The following LHFPL3 variants were observed in gnomAD, a reference collection of about 807,000 sequenced individuals.
LHFPL3 encodes LHFPL tetraspan subfamily member 3.
Under a neutral mutation model 19.3 loss-of-function variants are expected in LHFPL3, and 5 were observed. The observed-to-expected ratio is 0.26, with a 90% CI of 0.14 to 0.54. LHFPL3 has a LOEUF of 0.54. Among genes scored for constraint, LHFPL3 ranks in the 20% least tolerant of loss-of-function variants. LHFPL3 has a pLI of 0.94. For synonymous variants in LHFPL3, 133 were observed against 126.2 expected (o/e 1.05, Z -0.36); for missense variants, 249 against 307.4 (o/e 0.81, Z 1.42).
chr7:104,849,816 G>T (rs943920128), intron 2 of LHFPL3, among the ~76,000 whole-genome samples: 1 of 152,228 alleles, frequency 6.6e-6, no homozygotes, highest in South Asian at 2.1e-4. Flanking sequence ...CCCTGGAATG[G>T]GGGCCTTATG....
chr7:104,707,781 C>T (rs140369228), intron 1 of LHFPL3, among the ~76,000 whole-genome samples: 57 of 152,272 alleles, frequency 3.7e-4, no homozygotes, highest in African/African-American at 1.2e-3. Context: ...AGAACCATTA[C>T]GATTCCCTAT....
chr7:104,478,897 G>C, intron 1 of LHFPL3, among the ~76,000 whole-genome samples: 1 of 152,164 alleles, frequency 6.6e-6, no homozygotes, highest in East Asian at 1.9e-4. Context: ...ACATTGCCCC[G>C]GAACACAATT....
At position 104,558,798 on chromosome 7, in the gene LHFPL3, T is replaced by C. The variant is rs1414602540; in HGVS notation, c.446-177877T>C. ...GTATTGCCTAGGTTTTCTTCTAGGG[T>C]TTTTATGGTTTTAGGTCTAACGTTT... On this transcript the variant is annotated intron_variant, in intron 1 of 2. Transcript: ENST00000424859. 4.1e-5 allele frequency among the ~76,000 whole-genome samples: 6 copies of C among 145,890 alleles called. No homozygotes were observed. The East Asian group carries it at 1.2e-3, about 28-fold the overall frequency.
intron 1 of LHFPL3, among the ~76,000 whole-genome samples, chr7:104,563,852 A>G (rs1790067479): frequency 6.6e-6 from 1 of 152,244 alleles, no homozygotes; most frequent in Non-Finnish European, 1.5e-5. Context: ...ATTCTGTTAT[A>G]GTAGCCTGAA....
chr7:104,464,298 T>G (rs1792733741), intron 1 of LHFPL3, among the ~76,000 whole-genome samples: 1 of 152,232 alleles, frequency 6.6e-6, no homozygotes, highest in Non-Finnish European at 1.5e-5. Context: ...CCTGGCTGTT[T>G]TCATGGCAGG....
At chr7:104,352,873 T>A (rs1790205628) in intron 1 of LHFPL3, among the ~76,000 whole-genome samples, 1 of 152,182 alleles carries the variant, frequency 6.6e-6, no homozygotes. Context: ...ACTCTTTCAG[T>A]AACAGTTGGG....
intron 1 of LHFPL3, among the ~76,000 whole-genome samples, chr7:104,427,176 C>T (rs1183751175): frequency 6.6e-6 from 1 of 152,002 alleles, no homozygotes; most frequent in Non-Finnish European, 1.5e-5. Context: ...GACGAGGTGC[C>T]AGAAGGGAAG....
intron 2 of LHFPL3, among the ~76,000 whole-genome samples, chr7:104,748,894 C>T (rs368720030): frequency 2.6e-5 from 4 of 152,186 alleles, no homozygotes; most frequent in Non-Finnish European, 4.4e-5. Context: ...CTACATCTGG[C>T]GCCCAACGTG....
intron 2 of LHFPL3, among the ~76,000 whole-genome samples, chr7:104,877,898 A>G (rs972681967): frequency 6.6e-6 from 1 of 151,728 alleles, no homozygotes; most frequent in Non-Finnish European, 1.5e-5. Flanking sequence ...CAGTGGTGCA[A>G]TCTCAGCTCA....
intron 1 of LHFPL3, among the ~76,000 whole-genome samples, chr7:104,617,608 A>C (rs1791370498): frequency 1.3e-5 from 2 of 152,346 alleles, no homozygotes; most frequent in African/African-American, 4.8e-5. Flanking sequence ...TAATGTTCAG[A>C]TATTTCCAGA....
intron 1 of LHFPL3, among the ~76,000 whole-genome samples, chr7:104,718,677 A>G (rs1175035948): frequency 6.6e-6 from 1 of 152,236 alleles, no homozygotes; most frequent in Non-Finnish European, 1.5e-5. Context: ...CATGAAAAGT[A>G]ATGGCACAAG....
chr7:104,696,007 G>T (rs967677179), intron 1 of LHFPL3, among the ~76,000 whole-genome samples: 1 of 152,174 alleles, frequency 6.6e-6, no homozygotes. Context: ...CTGGAGTGCA[G>T]TGGCACGATC....
At chr7:104,775,235 T>TACAAACAAAAATTA (rs1794619466) in intron 2 of LHFPL3, among the ~76,000 whole-genome samples, 2 of 152,000 alleles carry the variant, frequency 1.3e-5, no homozygotes, top group African/African-American at 4.8e-5. Context: ...CTACTAAAAA[T>TACAAACAAAAATTA]GCAAACAAAA....
chr7:104,410,428 C>T (rs552051336), intron 1 of LHFPL3, among the ~76,000 whole-genome samples: 3 of 152,244 alleles, frequency 2.0e-5, no homozygotes, highest in African/African-American at 4.8e-5. Context: ...CCGCTGCACC[C>T]GGCCTGTATG....
chr7:104,438,974 A>T (rs747755097), intron 1 of LHFPL3, among the ~76,000 whole-genome samples: 7 of 152,234 alleles, frequency 4.6e-5, no homozygotes, highest in Non-Finnish European at 1.0e-4. Flanking sequence ...TATGTCAATA[A>T]ATTCAACAAC....
chr7:104,373,973 C>T (rs1790659870), intron 1 of LHFPL3, among the ~76,000 whole-genome samples: 1 of 152,004 alleles, frequency 6.6e-6, no homozygotes, highest in African/African-American at 2.4e-5. Flanking sequence ...TTCCTTGTCT[C>T]ATAATGTTAT....
chr7:104,748,219 A>C (rs553585343), intron 2 of LHFPL3, among the ~76,000 whole-genome samples: 116 of 151,888 alleles, frequency 7.6e-4, no homozygotes, highest in Non-Finnish European at 1.4e-3. Flanking sequence ...AAACTGCGGA[A>C]GGCCGCAGGG....
At chr7:104,904,369 G>A (rs999522916) in intron 2 of LHFPL3, among the ~76,000 whole-genome samples, 3 of 152,180 alleles carry the variant, frequency 2.0e-5, no homozygotes, top group Admixed American at 6.5e-5. Context: ...GCAAAACCTC[G>A]GCTGGGCACA....
intron 1 of LHFPL3, among the ~76,000 whole-genome samples, chr7:104,363,719 T>C (rs1159117062): frequency 6.6e-6 from 1 of 152,204 alleles, no homozygotes; most frequent in Non-Finnish European, 1.5e-5. Context: ...ATCCTTGCCA[T>C]TGGGACTGCA....
Sources: gnomAD v4.1 joint callset for allele counts (sites outside exome capture counted in the v4.1 genomes callset) on GRCh38, gnomAD v4.1.1 for gene constraint, MANE v1.5 for transcripts, NCBI Gene and HGNC (gene_info 2026-07-23, HGNC 2026-07-21) for gene names.